HKDC1: variants seen among roughly 807,000 people sequenced by gnomAD.
The protein encoded by HKDC1 is hexokinase domain containing 1.
Under a neutral mutation model 96.6 loss-of-function variants are expected in HKDC1, and 66 were observed. The ratio of observed to expected loss-of-function variants is 0.68; its 90% CI spans 0.56 to 0.84. HKDC1 has a LOEUF of 0.84. Among genes scored for constraint, HKDC1 ranks in the 40% least tolerant of loss-of-function variants. HKDC1 has a pLI of 0.00. For synonymous variants in HKDC1, 466 were observed against 473.1 expected (o/e 0.98, Z 0.20); for missense variants, 1,211 against 1,208.1 (o/e 1.00, Z -0.04).
rs185253678 is a variant in HKDC1 at position 69,232,961 on chromosome 10, T to C, written c.375+49T>C. On this transcript the variant is annotated intron_variant, in intron 3 of 17. Coordinates refer to ENST00000354624, the MANE Select transcript of HKDC1 (RefSeq NM_025130.4). ...ACCGCAGGGAAGGCGGTGGCATCCG[T>C]GTGTGGGGAAACCACACCTTAGCCC... is the stretch of plus-strand genomic sequence containing the variant. 6 of 1,612,486 alleles carry C rather than the reference T, an allele frequency of 3.7e-6. No individual in the cohort carries two copies. In the Admixed American group the frequency reaches 1.0e-4, roughly 27 times the overall value.
intron 4 of HKDC1, among the ~76,000 whole-genome samples, chr10:69,238,166 A>G (rs975578758): frequency 5.3e-5 from 8 of 152,136 alleles, no homozygotes; most frequent in Non-Finnish European, 1.2e-4. Context: ...CAGGCCTGGA[A>G]CTCCTGGCCT....
intron 2 of HKDC1, among the ~76,000 whole-genome samples, chr10:69,228,566 G>A (rs1348760558): frequency 2.6e-5 from 4 of 152,128 alleles, no homozygotes; most frequent in African/African-American, 9.7e-5. Flanking sequence ...AGCTGTAAGA[G>A]GGAAAAGGGC....
In HKDC1 at chr10:69,228,673, C is replaced by T. The variant is rs1843200045; in HGVS notation, c.226+1304C>T. Among the ~76,000 whole-genome samples the T allele has an allele frequency of 3.3e-5, 5 of 152,148 alleles. No homozygotes were observed. In the South Asian group the frequency reaches 1.0e-3, roughly 31 times the overall value. ...TTGAGGTCAGATGCTCGAGACCAGCCTGGCCAACATGGTGAAACTCCACCT... is the reference window on the plus strand; with the variant it reads ...TTGAGGTCAGATGCTCGAGACCAGCTTGGCCAACATGGTGAAACTCCACCT... On this transcript the variant is annotated intron_variant, in intron 2 of 17. Coordinates refer to ENST00000354624, the MANE Select transcript of HKDC1 (RefSeq NM_025130.4).
chr10:69,249,886 G>A (rs780730289), intron 10 of HKDC1, among the ~76,000 whole-genome samples: 8 of 152,212 alleles, frequency 5.3e-5, no homozygotes, highest in Non-Finnish European at 7.3e-5. Flanking sequence ...CTGTCAGTCA[G>A]TGAAGCTGAA....
chr10:69,241,061 C>G (rs375444152), intron 6 of HKDC1, among the ~76,000 whole-genome samples: 179 of 151,784 alleles, frequency 1.2e-3, no homozygotes, highest in Non-Finnish European at 1.9e-3. Flanking sequence ...TGGTGGTTAG[C>G]GTGATAAAAA....
Position 69,265,725 on chromosome 10 carries a change from C to A in HKDC1, c.2513C>A (p.Ala838Asp). The change falls in exon 17 of 18, where the codon GCC becomes GAC. Residue 838 changes from alanine to aspartate, a missense_variant. Ala to Asp is a moderately radical substitution (Grantham distance 126). Transcript: ENST00000354624. ...GCCCAGCTCTGCGGTGCTGGCCTGGCCGCTATAGTGGAAAAAAGGAGAGAA... is the reference window on the plus strand; with the variant it reads ...GCCCAGCTCTGCGGTGCTGGCCTGGACGCTATAGTGGAAAAAAGGAGAGAA... ...RAAQLCGAGL[A>D]AIVEKRREDQ... The A allele has an allele frequency of 6.2e-7, 1 of 1,613,396 alleles. No individual in the cohort carries two copies.
chr10:69,247,696 A>G (rs753437203), intron 9 of HKDC1, 103 bp downstream of exon 9: 85 of 832,602 alleles, frequency 1.0e-4, no homozygotes, highest in South Asian at 1.9e-4. Context: ...GGAACCAACA[A>G]CCCCTCTTGT....
At chr10:69,246,493 T>C (rs1167323697) in intron 8 of HKDC1, among the ~76,000 whole-genome samples, 1 of 152,224 alleles carries the variant, frequency 6.6e-6, no homozygotes, top group Non-Finnish European at 1.5e-5. Context: ...CTTGTTAAAG[T>C]GGTAACTTGT....
At chr10:69,248,363 G>A (rs1843577271) in intron 9 of HKDC1, 61 bp from the exon 10 acceptor site, 2 of 1,495,716 alleles carry the variant, frequency 1.3e-6, no homozygotes, top group African/African-American at 1.4e-5. Flanking sequence ...GCTGCCCCTG[G>A]GTCTGTGCCT....
At chr10:69,261,360 G>A (rs1228338353) in intron 16 of HKDC1, 66 bp downstream of exon 16, 2 of 1,508,786 alleles carry the variant, frequency 1.3e-6, no homozygotes, top group Non-Finnish European at 9.2e-7. Context: ...CTGGGGTTGG[G>A]CCAATTTGAG....
In HKDC1 at chr10:69,250,282, C is replaced by T. The variant is rs756611050; in HGVS notation, c.1571-8C>T. On this transcript the variant is annotated splice_polypyrimidine_tract_variant and splice_region_variant and intron_variant, in intron 10 of 17. Coordinates refer to ENST00000354624, the MANE Select transcript of HKDC1 (RefSeq NM_025130.4). Reference sequence around the variant, plus strand: ...CATGGAATGCAGCTGCTGCTTTCTCCATCACAGAGAAAGGAAAGTTTCTCG... The same window carrying T: ...CATGGAATGCAGCTGCTGCTTTCTCTATCACAGAGAAAGGAAAGTTTCTCG... 1.2e-6 allele frequency: 2 copies of T among 1,610,934 alleles called. No homozygotes were observed. The highest frequency in any genetic ancestry group is 3.4e-5 in the Admixed American group (2 of 59,660).
At chr10:69,261,051 A>T in intron 15 of HKDC1, 88 bp from the exon 16 acceptor site, 1 of 1,233,406 alleles carries the variant, frequency 8.1e-7, no homozygotes, top group Admixed American at 1.8e-5. Flanking sequence ...ATCTTGCTCC[A>T]TGCGTAGCTC....
At position 69,220,406 on chromosome 10, in the gene HKDC1, C is replaced by A. The variant is rs760580550; in HGVS notation, c.-30C>A. 48 of 1,566,440 alleles carry A rather than the reference C, an allele frequency of 3.1e-5. No individual in the cohort carries two copies. The Admixed American group carries it at 6.6e-4, about 22-fold the overall frequency. On this transcript the variant is annotated 5_prime_UTR_variant, in exon 1 of 18. Transcript: ENST00000354624. ...GTGAACACTGCACAGGAATCTCTGCCCATCTCAGGAGAAACCAAACTTGGG... is the reference window on the plus strand; with the variant it reads ...GTGAACACTGCACAGGAATCTCTGCACATCTCAGGAGAAACCAAACTTGGG...
Position 69,232,904 on chromosome 10 carries a change from G to C in HKDC1, c.367G>C (p.Gly123Arg), listed in dbSNP as rs757010965. Residue 123 changes from glycine to arginine, a missense_variant, in exon 3 of 18, where the codon GGC (glycine) becomes CGC (arginine). Gly to Arg is a moderately radical substitution (Grantham distance 125). Coordinates refer to ENST00000354624, the MANE Select transcript of HKDC1 (RefSeq NM_025130.4). Reference sequence around the variant, plus strand: ...GCCCAATGAAATCATCCGCGGGAACGGCACAGAGGTACCTGGCAGGTGGCT... The same window carrying C: ...GCCCAATGAAATCATCCGCGGGAACCGCACAGAGGTACCTGGCAGGTGGCT... Reference protein sequence around the residue: ...PTPNEIIRGNGTELFEYVADC... With the variant: ...PTPNEIIRGNRTELFEYVADC... The C allele has an allele frequency of 6.2e-7, 1 of 1,612,864 alleles. No homozygotes were observed. The highest frequency in any genetic ancestry group is 8.5e-7 in the Non-Finnish European group (1 of 1,180,026).
intron 1 of HKDC1, among the ~76,000 whole-genome samples, chr10:69,220,875 C>T (rs370460107): frequency 9.9e-5 from 15 of 152,182 alleles, no homozygotes; most frequent in Non-Finnish European, 2.1e-4. Context: ...GAAGGCTGGG[C>T]GCAGTGGCTC....
chr10:69,265,354 G>A (rs1843878522), intron 16 of HKDC1: 1 of 545,490 alleles, frequency 1.8e-6, no homozygotes, highest in African/African-American at 1.9e-5. Flanking sequence ...TGAACATGCT[G>A]AACACCAGAG....
At chr10:69,221,021 G>A (rs930893323) in intron 1 of HKDC1, among the ~76,000 whole-genome samples, 4 of 152,050 alleles carry the variant, frequency 2.6e-5, no homozygotes, top group Non-Finnish European at 2.9e-5. Flanking sequence ...GTGGTGGCGG[G>A]CACCTGTAAT....
At chr10:69,261,359 G>A (rs1843807460) in intron 16 of HKDC1, 65 bp downstream of exon 16, 3 of 1,529,010 alleles carry the variant, frequency 2.0e-6, no homozygotes, top group African/African-American at 2.7e-5. Flanking sequence ...GCTGGGGTTG[G>A]GCCAATTTGA....
rs115394998 is a variant in HKDC1 at position 69,262,079 on chromosome 10, A to T, written c.2372+785A>T. On this transcript the variant is annotated intron_variant, in intron 16 of 17. Coordinates refer to ENST00000354624, the MANE Select transcript of HKDC1 (RefSeq NM_025130.4). ...TTAGGATGTTATCAGTCATTGATGCATATTGCCTGGATCTATTATTTCACT... is the reference window on the plus strand; with the variant it reads ...TTAGGATGTTATCAGTCATTGATGCTTATTGCCTGGATCTATTATTTCACT... 730 of 440,322 alleles carry T rather than the reference A, an allele frequency of 1.7e-3. 2 individuals are homozygous for T. Among genetic ancestry groups the T allele is most frequent in the African/African-American group, 0.013 (667 of 49,726 alleles). 27.3% of individuals were successfully genotyped at this position (440,322 alleles called of 1,614,324 possible). A position where few individuals can be genotyped will look rare whatever the true frequency, so the allele number is the denominator to read the frequency against.
Sources: allele counts gnomAD v4.1 joint callset (sites outside exome capture counted in the v4.1 genomes callset), GRCh38; gene constraint gnomAD v4.1.1; transcripts MANE v1.5; gene names NCBI Gene and HGNC (gene_info 2026-07-23, HGNC 2026-07-21).